LEPR: variants seen among roughly 807,000 people sequenced by gnomAD.
LEPR encodes the protein leptin receptor.
A neutral mutation model predicts 114.7 loss-of-function variants in LEPR; 56 were observed. The ratio of observed to expected loss-of-function variants is 0.49; its 90% CI spans 0.39 to 0.61. The LOEUF (loss-of-function observed/expected upper bound fraction) is 0.61, where lower values mean the gene tolerates loss of function less well. Among genes scored for constraint, LEPR ranks in the 20% least tolerant of loss-of-function variants. LEPR has a pLI of 0.00. For synonymous variants in LEPR, 443 were observed against 461.4 expected (o/e 0.96, Z 0.51); for missense variants, 1,202 against 1,352.9 (o/e 0.89, Z 1.75).
chr1:65,516,359 A>G (rs893508504), intron 2 of LEPR, among the ~76,000 whole-genome samples: 15 of 152,238 alleles, frequency 9.9e-5, no homozygotes, highest in African/African-American at 3.6e-4. Context: ...CAGGAGAATC[A>G]CTTGAACCCA....
At position 65,579,251 on chromosome 1, in the gene LEPR, G is replaced by A. The variant is rs116258016; in HGVS notation, c.494+6802G>A. On this transcript the variant is annotated intron_variant, in intron 5 of 19. Transcript: ENST00000349533. The stretch of plus-strand genomic sequence containing the variant: ...AGGCCTGAGAAGCCTGGCTGGGGTT[G>A]GAAAGTGGAGGTGGAAGACTAATGG... Among the ~76,000 whole-genome samples the A allele has an allele frequency of 5.1e-3, 770 of 152,314 alleles. 9 individuals carry two copies. The highest frequency in any genetic ancestry group is 0.018 in the African/African-American group (738 of 41,570).
intron 2 of LEPR, among the ~76,000 whole-genome samples, chr1:65,437,766 T>A (rs1427042316): frequency 1.3e-5 from 2 of 152,138 alleles, no homozygotes; most frequent in East Asian, 3.9e-4. Context: ...TGGGTCATTG[T>A]GGTTTTAGAT....
intron 2 of LEPR, among the ~76,000 whole-genome samples, chr1:65,557,600 A>C (rs1464941487): frequency 6.6e-6 from 1 of 152,076 alleles, no homozygotes; most frequent in Non-Finnish European, 1.5e-5. Flanking sequence ...TTGTATTTTT[A>C]GTAGAGACAG....
At chr1:65,441,793 G>A (rs1200710356) in intron 2 of LEPR, among the ~76,000 whole-genome samples, 1 of 152,190 alleles carries the variant, frequency 6.6e-6, no homozygotes, top group African/African-American at 2.4e-5. Context: ...GTGCCAGGGA[G>A]ACCCTCTGGG....
intron 2 of LEPR, among the ~76,000 whole-genome samples, chr1:65,524,359 C>A (rs1158810607): frequency 2.6e-5 from 4 of 152,138 alleles, no homozygotes; most frequent in Non-Finnish European, 5.9e-5. Flanking sequence ...TTTTCGCCTA[C>A]CACAGATAGT....
intron 2 of LEPR, among the ~76,000 whole-genome samples, chr1:65,468,540 A>G (rs1647043894): frequency 6.6e-6 from 1 of 152,194 alleles, no homozygotes; most frequent in Admixed American, 6.5e-5. Flanking sequence ...TGGAAAAAAG[A>G]GAGTTGAGGC....
chr1:65,474,867 C>G (rs2148685), intron 2 of LEPR, among the ~76,000 whole-genome samples: 1 of 151,306 alleles, frequency 6.6e-6, no homozygotes, highest in Admixed American at 6.6e-5. Flanking sequence ...ATTAGACAGG[C>G]GTAGTGGCGT....
chr1:65,421,023 C>T (rs1164414239), intron 1 of LEPR, among the ~76,000 whole-genome samples: 2 of 152,170 alleles, frequency 1.3e-5, no homozygotes, highest in Non-Finnish European at 2.9e-5. Flanking sequence ...AGAGCGGCGC[C>T]CTCCACCTCT....
At chr1:65,493,552 T>C (rs1339219578) in intron 2 of LEPR, among the ~76,000 whole-genome samples, 1 of 152,138 alleles carries the variant, frequency 6.6e-6, no homozygotes, top group Non-Finnish European at 1.5e-5. Flanking sequence ...AAATTCTTAA[T>C]TGTGGCAAAA....
chr1:65,568,782 T>C (rs1435840931), intron 3 of LEPR, among the ~76,000 whole-genome samples: 1 of 152,214 alleles, frequency 6.6e-6, no homozygotes, highest in Non-Finnish European at 1.5e-5. Flanking sequence ...CAAATTTACA[T>C]TGCCACCAAC....
chr1:65,600,386 T>C (rs139991738), intron 8 of LEPR, among the ~76,000 whole-genome samples: 1 of 152,190 alleles, frequency 6.6e-6, no homozygotes, highest in African/African-American at 2.4e-5. Context: ...AAAACACAAA[T>C]GTTTTGTATG....
At chr1:65,484,801 TCAGATGCATC>T (rs746915915) in intron 2 of LEPR, among the ~76,000 whole-genome samples, 6 of 152,218 alleles carry the variant, frequency 3.9e-5, no homozygotes, top group Admixed American at 6.5e-5. Context: ...ACATAGGTTA[TCAGATGCATC>T]CTTCAATATG....
chr1:65,489,532 G>A (rs185003845), intron 2 of LEPR, among the ~76,000 whole-genome samples: 1 of 152,196 alleles, frequency 6.6e-6, no homozygotes, highest in Non-Finnish European at 1.5e-5. Flanking sequence ...CTTGTCAGAT[G>A]GATAGTTTGC....
intron 2 of LEPR, chr1:65,526,012 C>T: frequency 3.8e-6 from 3 of 793,642 alleles, no homozygotes; most frequent in Non-Finnish European, 4.6e-6. Context: ...GGGGTGGGTG[C>T]GACGCCGGGC....
chr1:65,630,274 T>G (rs965006962), intron 19 of LEPR: 3 of 332,316 alleles, frequency 9.0e-6, no homozygotes, highest in Non-Finnish European at 1.7e-5. Flanking sequence ...ACACAAACAC[T>G]GCGGAAGGCC....
intron 2 of LEPR, among the ~76,000 whole-genome samples, chr1:65,534,981 A>C (rs1367599621): frequency 6.6e-6 from 1 of 152,166 alleles, no homozygotes; most frequent in Non-Finnish European, 1.5e-5. Context: ...TGGGTCTCTA[A>C]ACCTATACAA....
At chr1:65,424,921 G>A (rs886173329) in intron 1 of LEPR, among the ~76,000 whole-genome samples, 1 of 152,162 alleles carries the variant, frequency 6.6e-6, no homozygotes, top group Non-Finnish European at 1.5e-5. Context: ...GGATGGAGCC[G>A]GGAAGGTTTC....
intron 2 of LEPR, among the ~76,000 whole-genome samples, chr1:65,445,213 C>T (rs1646698615): frequency 6.6e-6 from 1 of 152,174 alleles, no homozygotes; most frequent in Non-Finnish European, 1.5e-5. Flanking sequence ...ACGGGCAGCA[C>T]AAGTCAAAAA....
chr1:65,442,383 A>G (rs1437495079), intron 2 of LEPR, among the ~76,000 whole-genome samples: 2 of 152,068 alleles, frequency 1.3e-5, no homozygotes, highest in Non-Finnish European at 2.9e-5. Flanking sequence ...ACTCCACCCC[A>G]CTGATTTGAG....
Sources: allele counts gnomAD v4.1 joint callset (sites outside exome capture counted in the v4.1 genomes callset), GRCh38; gene constraint gnomAD v4.1.1; transcripts MANE v1.5; gene names NCBI Gene and HGNC (gene_info 2026-07-23, HGNC 2026-07-21).